The following KIFC3 variants were observed in gnomAD, a reference collection of about 807,000 sequenced individuals.
KIFC3 encodes kinesin family member C3.
KIFC3 carries 60 observed loss-of-function variants against 101.8 expected under a neutral mutation model. The observed-to-expected ratio is 0.59, with a 90% CI of 0.48 to 0.73. The LOEUF (loss-of-function observed/expected upper bound fraction) is 0.73. Ranked by LOEUF, KIFC3 falls within the 30% of genes least tolerant of loss-of-function variation. KIFC3 has a pLI of 0.00. For synonymous variants in KIFC3, 476 were observed against 482.7 expected (o/e 0.99, Z 0.18); for missense variants, 966 against 1,137.1 (o/e 0.85, Z 2.16).
At chr16:57,804,683 G>A (rs945275281), upstream of KIFC3, among the ~76,000 whole-genome samples, 1 of 151,810 alleles carries the variant, frequency 6.6e-6, no homozygotes, top group South Asian at 2.1e-4. Flanking sequence ...CCGAACTCCT[G>A]GGATCAAGTG....
At chr16:57,791,338 G>A (rs1555620258) in intron 3 of KIFC3, among the ~76,000 whole-genome samples, 1 of 152,238 alleles carries the variant, frequency 6.6e-6, no homozygotes. Context: ...GACAGCAGCT[G>A]GAAGTTTCCA....
chr16:57,841,314 A>T (rs2055805729), intron 1 of KIFC3, among the ~76,000 whole-genome samples: 1 of 152,152 alleles, frequency 6.6e-6, no homozygotes, highest in African/African-American at 2.4e-5. Flanking sequence ...GAGGTAGGGA[A>T]GTGATCCACA....
Position 57,798,103 on chromosome 16 carries a change from G to C in KIFC3, c.141C>G (p.Phe47Leu). The C allele has an allele frequency of 6.3e-7, 1 of 1,591,146 alleles. No individual in the cohort carries two copies. The highest frequency in any genetic ancestry group is 8.6e-7 in the Non-Finnish European group (1 of 1,169,348). ...TCAACCTCCCCGGGCCGGTGTGTGGGAAAGGGCGGGCGGCCGGGCTGGCTG... is the reference window on the plus strand; with the variant it reads ...TCAACCTCCCCGGGCCGGTGTGTGGCAAAGGGCGGGCGGCCGGGCTGGCTG... ...PAPASPAARP[F>L]PHTGPGRLRT... The change falls in exon 2 of 20, where the codon TTC (phenylalanine) becomes TTG (leucine). Residue 47 changes from phenylalanine (F) to leucine (L), a missense_variant. By Grantham distance (22) the Phe-to-Leu change is conservative. Around this residue, in one of 2 missense-constraint regions of KIFC3, gnomAD observed 277 missense variants for 252.5 expected, o/e 1.10. Transcript: ENST00000445690.
chr16:57,774,959 C>T, intron 3 of KIFC3: 1 of 1,520,204 alleles, frequency 6.6e-7, no homozygotes, highest in South Asian at 1.2e-5. Flanking sequence ...GCTGCCTCAG[C>T]ATGGGGCTGG....
chr16:57,817,734 T>C (rs1238664097), intron 1 of KIFC3, among the ~76,000 whole-genome samples: 2 of 152,242 alleles, frequency 1.3e-5, no homozygotes, highest in Non-Finnish European at 2.9e-5. Context: ...TAAGGTCATA[T>C]TCCCAGGGTT....
At chr16:57,855,956 A>AAACC (rs2056156218) in intron 1 of KIFC3, among the ~76,000 whole-genome samples, 1 of 151,492 alleles carries the variant, frequency 6.6e-6, no homozygotes, top group Non-Finnish European at 1.5e-5. Flanking sequence ...AAAAAAAAAA[A>AAACC]AAAACCAAAA....
rs2051149697 is a variant in KIFC3, at chr16:57,771,193, C to T, written c.765+5G>A. Reference sequence around the variant, plus strand: ...GAGGCACAGATCAGGTGGGCCAGGGCTCACCTTGACAGGTGGGGACTGGGC... The same window carrying T: ...GAGGCACAGATCAGGTGGGCCAGGGTTCACCTTGACAGGTGGGGACTGGGC... On this transcript the variant is annotated splice_donor_5th_base_variant and intron_variant, in intron 6 of 19. Transcript: ENST00000445690. The T allele has an allele frequency of 6.2e-7, 1 of 1,611,738 alleles. No individual in the cohort carries two copies. Among genetic ancestry groups the T allele is most frequent in the African/African-American group, 1.3e-5 (1 of 74,926 alleles).
chr16:57,765,872 C>T, intron 10 of KIFC3: 2 of 461,468 alleles, frequency 4.3e-6, no homozygotes, highest in Non-Finnish European at 7.7e-6. Flanking sequence ...GGAGCTCTGC[C>T]TTGGGGATGG....
At chr16:57,850,458 A>T (rs2056026492) in intron 1 of KIFC3, among the ~76,000 whole-genome samples, 1 of 143,286 alleles carries the variant, frequency 7.0e-6, no homozygotes, top group African/African-American at 2.6e-5. Context: ...AATAAATTTT[A>T]AAAAGGGTTT....
In KIFC3 at chr16:57,761,117, G is replaced by A; in HGVS notation, c.1927C>T (p.His643Tyr). The A allele has an allele frequency of 4.3e-6, 7 of 1,614,004 alleles. No individual in the cohort carries two copies. Among genetic ancestry groups the A allele is most frequent in the Non-Finnish European group, 5.1e-6 (6 of 1,179,992 alleles). Residue 643 changes from histidine (H) to tyrosine (Y), a missense_variant, in exon 15 of 20, where the codon CAC becomes TAC. His to Tyr is a moderately conservative substitution (Grantham distance 83, BLOSUM62 2). This residue lies in a region of KIFC3 where 689 missense variants were observed against 884.6 expected (regional missense o/e 0.78). Transcript: ENST00000445690. ...AGCAGCGCGTGCGAGCGGGAGCTGTGCTCGTTCAGGTTGGTGAACTCGGTC... is the reference window on the plus strand; with the variant it reads ...AGCAGCGCGTGCGAGCGGGAGCTGTACTCGTTCAGGTTGGTGAACTCGGTC... ...RTTEFTNLNEHSSRSHALLIV... is the reference protein window; with the variant it reads ...RTTEFTNLNEYSSRSHALLIV...
chr16:57,833,688 C>T (rs983936542), intron 1 of KIFC3, among the ~76,000 whole-genome samples: 3 of 152,004 alleles, frequency 2.0e-5, no homozygotes, highest in African/African-American at 7.2e-5. Context: ...AGTTTCCCAT[C>T]GTGGTGATGT....
rs1284862064 is a variant in KIFC3, at chr16:57,760,078, C to T, written c.2367+204G>A. The T allele has an allele frequency of 8.9e-6, 6 of 674,824 alleles. No individual in the cohort carries two copies. In the African/African-American group the frequency reaches 9.0e-5, roughly 10 times the overall value. The allele number at this position is 674,824 out of a possible 1,614,324, so 41.8% of individuals were successfully genotyped here. A position where few individuals can be genotyped will look rare whatever the true frequency, so the allele number is the denominator to read the frequency against. On this transcript the variant is annotated intron_variant, in intron 17 of 19. Transcript: ENST00000445690. ...TGCCACCCCCACGGCCAGCTCGTCA[C>T]CCCACAGGAACCTCCGAGGCCAAGA...
upstream of KIFC3, among the ~76,000 whole-genome samples, chr16:57,808,120 G>A (rs1038030007): frequency 4.6e-5 from 7 of 152,034 alleles, no homozygotes; most frequent in East Asian, 3.9e-4. Context: ...GGAATTTGGC[G>A]GAGATTCCCT....
At chr16:57,797,575 A>T in intron 2 of KIFC3, 1 of 461,746 alleles carries the variant, frequency 2.2e-6, no homozygotes, top group Non-Finnish European at 2.9e-6. Flanking sequence ...TGAAATGAGC[A>T]CATGGACCCC....
intron 3 of KIFC3, 133 bp from the exon 4 acceptor site, chr16:57,772,421 A>G (rs1434977548): frequency 1.8e-5 from 12 of 668,700 alleles, no homozygotes; most frequent in Admixed American, 2.7e-5. Context: ...AGGTTCCCCT[A>G]TGTTCAAGCA....
intron 3 of KIFC3, among the ~76,000 whole-genome samples, chr16:57,772,900 G>T (rs1555609651): frequency 6.6e-6 from 1 of 152,182 alleles, no homozygotes; most frequent in African/African-American, 2.4e-5. Flanking sequence ...TAGGGGGAAG[G>T]GGGTGTGCAC....
chr16:57,797,470 G>C (rs1430927807), intron 2 of KIFC3, among the ~76,000 whole-genome samples: 3 of 152,222 alleles, frequency 2.0e-5, no homozygotes, highest in Non-Finnish European at 4.4e-5. Context: ...GACCCAGAAA[G>C]GCGAGCTGGC....
At position 57,761,322 on chromosome 16, in the gene KIFC3, TG is replaced by T. The variant is rs1177135277; in HGVS notation, c.1872+90del. On this transcript the variant is annotated intron_variant, in intron 14 of 19. Coordinates refer to ENST00000445690, the MANE Select transcript of KIFC3 (RefSeq NM_001130100.2). Reference sequence around the variant, plus strand: ...AGAGGCGTGCGGACTTGCCCAAGGGTGCGTGCTTAGGACACAGCAGAGCCTA... The same window carrying T: ...AGAGGCGTGCGGACTTGCCCAAGGGTCGTGCTTAGGACACAGCAGAGCCTA... The T allele has an allele frequency of 5.8e-6, 9 of 1,561,752 alleles. No individual in the cohort carries two copies. In the East Asian group the frequency reaches 1.8e-4, roughly 32 times the overall value.
intron 1 of KIFC3, chr16:57,816,309 T>C (rs782299564): frequency 2.9e-4 from 348 of 1,216,988 alleles, no homozygotes; most frequent in Non-Finnish European, 3.7e-4. Context: ...GGAAGTGCGG[T>C]GGGATCTGTC....
Sources: gnomAD v4.1 joint callset for allele counts (sites outside exome capture counted in the v4.1 genomes callset) on GRCh38, gnomAD v4.1.1 for gene constraint, gnomAD v4.1.1 regional missense constraint, MANE v1.5 for transcripts, NCBI Gene and HGNC (gene_info 2026-07-23, HGNC 2026-07-21) for gene names.